ALKBH3: variants seen among roughly 807,000 people sequenced by gnomAD.
The protein encoded by ALKBH3 is alpha-ketoglutarate-dependent dioxygenase alkB homolog 3.
ALKBH3 carries 51 observed loss-of-function variants against 43.9 expected under a neutral mutation model. That is an observed-to-expected ratio of 1.16 (90% CI 0.93 to 1.47). The LOEUF (loss-of-function observed/expected upper bound fraction) is 1.47. Ranked by LOEUF, ALKBH3 falls within the 40% of genes most tolerant of loss-of-function variation. The pLI is 0.00. For missense variants in ALKBH3, 361 were observed against 351.9 expected (o/e 1.03, Z -0.21); for synonymous variants, 102 against 115.2 (o/e 0.89, Z 0.73).
intron 7 of ALKBH3, among the ~76,000 whole-genome samples, chr11:43,893,884 G>A (rs1951800704): frequency 6.6e-6 from 1 of 152,056 alleles, no homozygotes; most frequent in Middle Eastern, 3.2e-3. Flanking sequence ...TTTTATTTAT[G>A]TTCATTTTAA....
At chr11:43,904,168 G>A (rs1951880874) in intron 8 of ALKBH3, among the ~76,000 whole-genome samples, 1 of 152,188 alleles carries the variant, frequency 6.6e-6, no homozygotes. Context: ...CTCAGAAGTG[G>A]TAAAGTCCAC....
intron 7 of ALKBH3, among the ~76,000 whole-genome samples, chr11:43,893,615 T>C (rs1275726644): frequency 1.3e-5 from 2 of 152,134 alleles, no homozygotes; most frequent in Admixed American, 6.5e-5. Context: ...TAGACAAATA[T>C]ACCTAGAGAA....
intron 8 of ALKBH3, among the ~76,000 whole-genome samples, chr11:43,917,284 A>G (rs932686668): frequency 2.6e-5 from 4 of 152,224 alleles, no homozygotes; most frequent in African/African-American, 9.6e-5. Flanking sequence ...TCCAGGTGGA[A>G]CTATAGTGTT....
At chr11:43,913,290 C>A (rs569911580) in intron 8 of ALKBH3, among the ~76,000 whole-genome samples, 33 of 152,074 alleles carry the variant, frequency 2.2e-4, no homozygotes, top group Middle Eastern at 3.4e-3. Flanking sequence ...CAGATTATTT[C>A]ATCACCCGGC....
chr11:43,884,470 C>G (rs1320143558), intron 4 of ALKBH3, among the ~76,000 whole-genome samples: 1 of 150,680 alleles, frequency 6.6e-6, no homozygotes, highest in Non-Finnish European at 1.5e-5. Flanking sequence ...GTAATTATTC[C>G]AGAACAATTT....
intron 5 of ALKBH3, 50 bp from the exon 6 acceptor site, chr11:43,889,675 A>G (rs1435658882): frequency 6.6e-7 from 1 of 1,515,842 alleles, no homozygotes; most frequent in East Asian, 2.3e-5. Context: ...TTTAGAGTCT[A>G]ACTTATCTTT....
intron 6 of ALKBH3, 43 bp from the exon 7 acceptor site, chr11:43,891,998 A>C (rs979409945): frequency 6.7e-7 from 1 of 1,495,296 alleles, no homozygotes; most frequent in African/African-American, 1.4e-5. Flanking sequence ...TAACACCTTA[A>C]ATAGCATTAA....
chr11:43,893,821 T>A (rs1951800346), intron 7 of ALKBH3, among the ~76,000 whole-genome samples: 1 of 152,214 alleles, frequency 6.6e-6, no homozygotes, highest in African/African-American at 2.4e-5. Flanking sequence ...TGGTGATATA[T>A]TTAGTTCATT....
At chr11:43,901,391 T>G in intron 7 of ALKBH3, 125 bp from the exon 8 acceptor site, 1 of 985,042 alleles carries the variant, frequency 1.0e-6, no homozygotes, top group Non-Finnish European at 1.5e-6. Context: ...TTCCATGTGG[T>G]TTGCTTATTA....
intron 8 of ALKBH3, among the ~76,000 whole-genome samples, chr11:43,907,643 A>T (rs1349886719): frequency 6.6e-6 from 1 of 151,842 alleles, no homozygotes; most frequent in African/African-American, 2.4e-5. Context: ...TCACATTTTC[A>T]TGGAGGATGG....
intron 8 of ALKBH3, among the ~76,000 whole-genome samples, chr11:43,912,906 C>T (rs1428234692): frequency 1.3e-5 from 2 of 152,090 alleles, no homozygotes; most frequent in Non-Finnish European, 2.9e-5. Context: ...CCCAGCTCTA[C>T]ACAAAGCACA....
chr11:43,896,447 A>G (rs1321080852), intron 7 of ALKBH3, among the ~76,000 whole-genome samples: 1 of 152,170 alleles, frequency 6.6e-6, no homozygotes, highest in Non-Finnish European at 1.5e-5. Flanking sequence ...GGCAGGAAGC[A>G]CCCAGCACGG....
chr11:43,884,766 T>A (rs1951736135), intron 4 of ALKBH3, among the ~76,000 whole-genome samples: 1 of 152,190 alleles, frequency 6.6e-6, no homozygotes, highest in Non-Finnish European at 1.5e-5. Context: ...TTTTTTATTT[T>A]TTTGGAACAG....
intron 8 of ALKBH3, among the ~76,000 whole-genome samples, chr11:43,907,551 G>C (rs571472913): frequency 6.6e-6 from 1 of 152,318 alleles, no homozygotes; most frequent in African/African-American, 2.4e-5. Flanking sequence ...CCCAGTGGTA[G>C]AGGTTTTTCT....
intron 7 of ALKBH3, among the ~76,000 whole-genome samples, chr11:43,894,007 C>A (rs1320493727): frequency 6.6e-6 from 1 of 152,052 alleles, no homozygotes; most frequent in Non-Finnish European, 1.5e-5. Context: ...CACACCCCGA[C>A]CTCTCAGAAT....
intron 7 of ALKBH3, chr11:43,898,923 C>G: frequency 1.3e-6 from 1 of 746,992 alleles, no homozygotes; most frequent in Non-Finnish European, 2.5e-6. Context: ...AGAGGGTGGA[C>G]TGGTCCCCAA....
At chr11:43,899,279 G>T (rs1467648914) in intron 7 of ALKBH3, 2 of 714,062 alleles carry the variant, frequency 2.8e-6, no homozygotes, top group African/African-American at 1.8e-5. Flanking sequence ...AGGCGTGCAG[G>T]GCTCGCATGT....
intron 8 of ALKBH3, chr11:43,912,325 G>T (rs898100205): frequency 6.6e-6 from 1 of 152,206 alleles, no homozygotes; most frequent in African/African-American, 2.4e-5. Context: ...CACTGTTCCC[G>T]TATGGTTGCT....
intron 9 of ALKBH3, among the ~76,000 whole-genome samples, 160 bp downstream of exon 9, chr11:43,919,296 A>G (rs981239665): frequency 9.9e-5 from 15 of 152,178 alleles, no homozygotes; most frequent in Admixed American, 9.8e-4. Context: ...TACTACTGAC[A>G]ATCCAGGTGG....
Sources: gnomAD v4.1 joint callset for allele counts (sites outside exome capture counted in the v4.1 genomes callset) on GRCh38, gnomAD v4.1.1 for gene constraint, MANE v1.5 for transcripts, NCBI Gene and HGNC (gene_info 2026-07-23, HGNC 2026-07-21) for gene names.